The following ROBO3 variants were observed in gnomAD, a reference collection of about 807,000 sequenced individuals.
ROBO3 encodes the protein roundabout homolog 3.
A neutral mutation model predicts 160.5 loss-of-function variants in ROBO3; 97 were observed. The ratio of observed to expected loss-of-function variants is 0.60; its 90% CI spans 0.51 to 0.72. The LOEUF (loss-of-function observed/expected upper bound fraction) is 0.72. Ranked by LOEUF, ROBO3 falls within the 30% of genes least tolerant of loss-of-function variation. ROBO3 has a pLI of 0.00. For missense variants in ROBO3, 1,858 were observed against 1,846.5 expected, an observed-to-expected ratio of 1.01 and a Z score of -0.11; for synonymous variants, 780 against 746.2, an observed-to-expected ratio of 1.05 and a Z score of -0.74.
At position 124,868,790 on chromosome 11, in the gene ROBO3, C is replaced by T. The variant is rs776175127; in HGVS notation, c.161-12C>T. ...CCCTGTCTGAACGCTCTGCGCCACC[C>T]CCTGTCCCCAGGGTCAAGGGTAGGA... On this transcript the variant is annotated splice_polypyrimidine_tract_variant and intron_variant, in intron 1 of 27. Coordinates refer to ENST00000397801, the MANE Select transcript of ROBO3 (RefSeq NM_022370.4). 1.9e-6 allele frequency: 3 copies of T among 1,601,190 alleles called. No individual in the cohort carries two copies. In the South Asian group the frequency reaches 3.4e-5, roughly 18 times the overall value.
In ROBO3 at chr11:124,869,253, C is replaced by A; in HGVS notation, c.487+125C>A. 2 of 1,192,244 alleles carry A rather than the reference C, an allele frequency of 1.7e-6. No homozygotes were observed. The highest frequency in any genetic ancestry group is 2.5e-5 in the East Asian group (1 of 39,372). 73.9% of individuals were successfully genotyped at this position (1,192,244 alleles called of 1,614,324 possible). ...CCCACTCAGCATCCTTCTTTGGGACCGCGACCTTTGATCTCTAATGGCCAC... is the reference window on the plus strand; with the variant it reads ...CCCACTCAGCATCCTTCTTTGGGACAGCGACCTTTGATCTCTAATGGCCAC... On this transcript the variant is annotated intron_variant, in intron 2 of 27. Coordinates refer to ENST00000397801, the MANE Select transcript of ROBO3 (RefSeq NM_022370.4). The surrounding 1 kb of genome is among the most constrained non-coding windows in gnomAD (Gnocchi z 4.2).
chr11:124,875,870 TTC>T (rs1946353791), intron 15 of ROBO3, 82 bp from the exon 16 acceptor site: 1 of 1,503,374 alleles, frequency 6.7e-7, no homozygotes, highest in Non-Finnish European at 9.1e-7. Flanking sequence ...TGTATAAGGC[TTC>T]TCTACCATTT....
rs1205572002 is a variant in ROBO3 at position 124,869,309 on chromosome 11, T to C, written c.488-141T>C. 1.8e-6 allele frequency: 2 copies of C among 1,094,064 alleles called. No individual in the cohort carries two copies. Among genetic ancestry groups the C allele is most frequent in the African/African-American group, 3.2e-5 (2 of 63,396 alleles). The allele number at this position is 1,094,064 out of a possible 1,614,324, so 67.8% of individuals were successfully genotyped here. On this transcript the variant is annotated intron_variant, in intron 2 of 27. Coordinates refer to ENST00000397801, the MANE Select transcript of ROBO3 (RefSeq NM_022370.4). The surrounding 1 kb of genome is among the most constrained non-coding windows in gnomAD (Gnocchi z 4.2). ...GGCCAGAGAAGGAAGTGGATCTGAC[T>C]CCAGGCTGATATTTTCTCACCTGGG...
Position 124,868,866 on chromosome 11 carries a change from C to T in ROBO3, c.225C>T (p.Val75=), listed in dbSNP as rs375182141. The T allele has an allele frequency of 1.3e-4, 213 of 1,608,366 alleles. No individual in the cohort carries two copies. The highest frequency in any genetic ancestry group is 1.8e-4 in the Non-Finnish European group (208 of 1,178,272). Residue 75 remains valine, a synonymous_variant, in exon 2 of 28, where the codon GTC becomes GTT. Transcript: ENST00000397801. ...RIVEQPPDLL[V]SRGEPATLPC... is the part of the protein sequence containing the mutation. Reference sequence around the variant, plus strand: ...TGGAGCAGCCGCCAGATCTGCTGGTCTCCCGAGGCGAGCCCGCCACGTTGC... The same window carrying T: ...TGGAGCAGCCGCCAGATCTGCTGGTTTCCCGAGGCGAGCCCGCCACGTTGC...
chr11:124,874,146 C>T lies in ROBO3; in HGVS notation c.1861C>T (p.Pro621Ser), dbSNP rs2135331420. Residue 621 changes from proline (P) to serine (S), a missense_variant, in exon 12 of 28, where the codon CCC becomes TCC. Transcript: ENST00000397801. ...GACACACACAGTCAGCGGTCTGCAG[C>T]CCAATACCATCTACCTGTTTCTGGT... ...LETHTVSGLQPNTIYLFLVRA... is the reference protein window; with the variant it reads ...LETHTVSGLQSNTIYLFLVRA... The T allele has an allele frequency of 1.2e-6, 2 of 1,613,958 alleles. No homozygotes were observed. Among genetic ancestry groups the T allele is most frequent in the South Asian group, 1.1e-5 (1 of 91,084 alleles).
Position 124,873,480 on chromosome 11 carries a change from T to C in ROBO3, c.1618+89T>C. On this transcript the variant is annotated intron_variant, in intron 10 of 27. Coordinates refer to ENST00000397801, the MANE Select transcript of ROBO3 (RefSeq NM_022370.4). The surrounding 1 kb of genome is among the most constrained non-coding windows in gnomAD (Gnocchi z 4.5). The stretch of plus-strand genomic sequence containing the variant: ...GTCGATACCTCCTCAAACTCCGGGA[T>C]TAACTTTATGTCACAAATGCCATGG... 8.3e-7 allele frequency: 1 copy of C among 1,210,554 alleles called. No homozygotes were observed. Among genetic ancestry groups the C allele is most frequent in the South Asian group, 1.3e-5 (1 of 76,748 alleles). The allele number at this position is 1,210,554 out of a possible 1,614,324, so 75.0% of individuals were successfully genotyped here.
chr11:124,876,779 C>CGGGGCCTGGCAAGAGGGGGT lies in ROBO3; in HGVS notation c.2779+321_2779+340dup, dbSNP rs1946388619. 1.1e-5 allele frequency: 5 copies of CGGGGCCTGGCAAGAGGGGGT among 440,710 alleles called. No homozygotes were observed. The highest frequency in any genetic ancestry group is 1.6e-5 in the Non-Finnish European group (4 of 249,898). The allele number at this position is 440,710 out of a possible 1,614,324, so 27.3% of individuals were successfully genotyped here. A position where few individuals can be genotyped will look rare whatever the true frequency, so the allele number is the denominator to read the frequency against. On this transcript the variant is annotated intron_variant, in intron 17 of 27. Coordinates refer to ENST00000397801, the MANE Select transcript of ROBO3 (RefSeq NM_022370.4). This position sits in a 1 kb window ranked among gnomAD's most constrained non-coding sequence, Gnocchi z 5.3. The stretch of plus-strand genomic sequence containing the variant: ...GAAAGCCCACTCAAAGGGCGGGGGG[C>CGGGGCCTGGCAAGAGGGGGT]GGGGCCTGGCAAGAGGGGGTGTGGC...
intron 27 of ROBO3, 108 bp from the exon 28 acceptor site, chr11:124,881,131 G>T: frequency 2.8e-6 from 3 of 1,065,516 alleles, no homozygotes; most frequent in Admixed American, 2.0e-5. Context: ...AGGAGCCTGG[G>T]CTCACCGTAG....
rs1565314074 is a variant in ROBO3 at position 124,876,505 on chromosome 11, G to A, written c.2779+45G>A. The A allele has an allele frequency of 7.4e-7, 1 of 1,344,748 alleles. No homozygotes were observed. Among genetic ancestry groups the A allele is most frequent in the Non-Finnish European group, 9.5e-7 (1 of 1,051,218 alleles). The allele number at this position is 1,344,748 out of a possible 1,614,324, so 83.3% of individuals were successfully genotyped here. On this transcript the variant is annotated intron_variant, in intron 17 of 27. Transcript: ENST00000397801. This position sits in a 1 kb window ranked among gnomAD's most constrained non-coding sequence, Gnocchi z 5.3. ...GCGGACGGATCCGGGAGGGAGCCAGGCGGCCCATGGGGAGGGGCAGGGGCT... is the reference window on the plus strand; with the variant it reads ...GCGGACGGATCCGGGAGGGAGCCAGACGGCCCATGGGGAGGGGCAGGGGCT...
chr11:124,869,826 C>G lies in ROBO3; in HGVS notation c.646-122C>G. ...TATGTGGGTCAACTTCCTTGGTCTC[C>G]TTTATCAGCTTGCTGTGAGGATCAA... On this transcript the variant is annotated intron_variant, in intron 3 of 27. Coordinates refer to ENST00000397801, the MANE Select transcript of ROBO3 (RefSeq NM_022370.4). The surrounding 1 kb of genome is among the most constrained non-coding windows in gnomAD (Gnocchi z 4.2). 7.1e-7 allele frequency: 1 copy of G among 1,414,424 alleles called. No homozygotes were observed. Among genetic ancestry groups the G allele is most frequent in the African/African-American group, 1.4e-5 (1 of 70,360 alleles). The allele number at this position is 1,414,424 out of a possible 1,614,324, so 87.6% of individuals were successfully genotyped here.
At chr11:124,870,459 T>A (rs767744482) in intron 5 of ROBO3, 142 bp from the exon 6 acceptor site, 37 of 1,464,810 alleles carry the variant, frequency 2.5e-5, no homozygotes, top group Non-Finnish European at 3.4e-5. Flanking sequence ...CCCACCTCCA[T>A]TGATGGGTCC....
rs566197806 is a variant in ROBO3 at position 124,879,093 on chromosome 11, T to C, written c.3534-97T>C. 1.3e-5 allele frequency: 18 copies of C among 1,366,742 alleles called. No homozygotes were observed. In the South Asian group the frequency reaches 1.8e-4, roughly 14 times the overall value. 84.7% of individuals were successfully genotyped at this position (1,366,742 alleles called of 1,614,324 possible). On this transcript the variant is annotated intron_variant, in intron 23 of 27. Coordinates refer to ENST00000397801, the MANE Select transcript of ROBO3 (RefSeq NM_022370.4). ...TACGGGCGGACGGGTTGTGTCTCGTTTATCTGTTAGGTTGATTGTCTAGCA... is the reference window on the plus strand; with the variant it reads ...TACGGGCGGACGGGTTGTGTCTCGTCTATCTGTTAGGTTGATTGTCTAGCA...
In ROBO3 at chr11:124,869,895, T is replaced by C. The variant is rs1401084166; in HGVS notation, c.646-53T>C. ...TATATACACATATATTCACCATATA[T>C]ATATACGCTGTGATAGCTGAAATGG... On this transcript the variant is annotated intron_variant, in intron 3 of 27. Coordinates refer to ENST00000397801, the MANE Select transcript of ROBO3 (RefSeq NM_022370.4). The surrounding 1 kb of genome is among the most constrained non-coding windows in gnomAD (Gnocchi z 4.2). 6.5e-7 allele frequency: 1 copy of C among 1,550,370 alleles called. No individual in the cohort carries two copies. The highest frequency in any genetic ancestry group is 1.4e-5 in the African/African-American group (1 of 72,984).
intron 26 of ROBO3, 44 bp downstream of exon 26, chr11:124,879,992 A>G (rs1257017764): frequency 1.1e-5 from 16 of 1,501,406 alleles, no homozygotes; most frequent in Non-Finnish European, 1.4e-5. Flanking sequence ...GCCACAGGAG[A>G]CTGTGGGCTT....
chr11:124,869,682 T>G lies in ROBO3; in HGVS notation c.645+75T>G. 6.9e-7 allele frequency: 1 copy of G among 1,451,812 alleles called. No individual in the cohort carries two copies. The highest frequency in any genetic ancestry group is 9.3e-7 in the Non-Finnish European group (1 of 1,080,882). The allele number at this position is 1,451,812 out of a possible 1,614,324, so 89.9% of individuals were successfully genotyped here. Reference sequence around the variant, plus strand: ...GTAGGGAGGTGACAAGGCTGGAGATTGAGATCAGGGCATTAGCTAACCAGA... The same window carrying G: ...GTAGGGAGGTGACAAGGCTGGAGATGGAGATCAGGGCATTAGCTAACCAGA... On this transcript the variant is annotated intron_variant, in intron 3 of 27. Transcript: ENST00000397801. The surrounding 1 kb of genome is among the most constrained non-coding windows in gnomAD (Gnocchi z 4.2).
At position 124,872,552 on chromosome 11, in the gene ROBO3, G is replaced by A; in HGVS notation, c.1330G>A (p.Ala444Thr). 1 of 1,612,746 alleles carries A rather than the reference G, an allele frequency of 6.2e-7. No homozygotes were observed. The highest frequency in any genetic ancestry group is 1.7e-4 in the Middle Eastern group (1 of 6,056). The part of the protein sequence containing the change: ...LAKALLEIKG[A>T]SLDGLPPVIL... ...CAAGGCCCTGCTGGAGATAAAAGGA[G>A]GTACGTGCCCATGGAGATAGGACTG... is the stretch of plus-strand genomic sequence containing the variant. Residue 444 changes from alanine (A) to threonine (T), a missense_variant and splice_region_variant, in exon 8 of 28, where the codon GCC (alanine) becomes ACC (threonine). Coordinates refer to ENST00000397801, the MANE Select transcript of ROBO3 (RefSeq NM_022370.4). This position sits in a 1 kb window ranked among gnomAD's most constrained non-coding sequence, Gnocchi z 4.3.
At position 124,868,965 on chromosome 11, in the gene ROBO3, G is replaced by A. The variant is rs2135324594; in HGVS notation, c.324G>A (p.Arg108=). ...YKNGARVATV[R]EDPRAHRLLL... is the part of the protein sequence containing the mutation. ...ACGGGGCGCGTGTGGCCACTGTGCGGGAGGATCCGCGTGCGCACCGCCTGC... is the reference window on the plus strand; with the variant it reads ...ACGGGGCGCGTGTGGCCACTGTGCGAGAGGATCCGCGTGCGCACCGCCTGC... Residue 108 remains arginine (R), a synonymous_variant, in exon 2 of 28, where the codon CGG becomes CGA. Transcript: ENST00000397801. 2.5e-6 allele frequency: 4 copies of A among 1,604,790 alleles called. No individual in the cohort carries two copies. The highest frequency in any genetic ancestry group is 3.4e-6 in the Non-Finnish European group (4 of 1,176,524).
In ROBO3 at chr11:124,869,429, G is replaced by GCGGCCCCCCCC; in HGVS notation, c.488-20_488-19insGGCCCCCCCCC. The GCGGCCCCCCCC allele has an allele frequency of 7.7e-7, 1 of 1,295,762 alleles. No homozygotes were observed. Among genetic ancestry groups the GCGGCCCCCCCC allele is most frequent in the Non-Finnish European group, 1.1e-6 (1 of 929,940 alleles). The allele number at this position is 1,295,762 out of a possible 1,614,324, so 80.3% of individuals were successfully genotyped here. Reference sequence around the variant, plus strand: ...TGTCACTCTACACCCTGCTTATTTCGCCCCCCACCGCCCCGCCCAGTCCTC... The same window carrying GCGGCCCCCCCC: ...TGTCACTCTACACCCTGCTTATTTCGCGGCCCCCCCCCCCCCCACCGCCCCGCCCAGTCCTC... On this transcript the variant is annotated intron_variant, in intron 2 of 27. Transcript: ENST00000397801. This position sits in a 1 kb window ranked among gnomAD's most constrained non-coding sequence, Gnocchi z 4.2.
chr11:124,865,517 G>C lies in ROBO3; in HGVS notation c.-61G>C. 4.5e-6 allele frequency: 7 copies of C among 1,552,494 alleles called. No individual in the cohort carries two copies. The highest frequency in any genetic ancestry group is 1.8e-5 in the Admixed American group (1 of 55,594). On this transcript the variant is annotated 5_prime_UTR_variant, in exon 1 of 28. Coordinates refer to ENST00000397801, the MANE Select transcript of ROBO3 (RefSeq NM_022370.4). The surrounding 1 kb of genome is among the most constrained non-coding windows in gnomAD (Gnocchi z 5.5). ...GAGGGGCTTACGGCTCCCAGCCCAC[G>C]GGTCTCAGACCCAGGGGCTGGGCCC...
Sources: gnomAD v4.1 joint callset for allele counts on GRCh38, gnomAD v4.1.1 for gene constraint, Gnocchi (gnomAD v3.1) non-coding constraint, MANE v1.5 for transcripts, NCBI Gene and HGNC (gene_info 2026-07-23, HGNC 2026-07-21) for gene names.